Variants in SEC14L6 observed in about 807,000 individuals in gnomAD.
SEC14L6 encodes SEC14 like lipid binding 6.
Under a neutral mutation model 54.1 loss-of-function variants are expected in SEC14L6, and 40 were observed. That is an observed-to-expected ratio of 0.74 (90% CI 0.57 to 0.96). SEC14L6 has a LOEUF of 0.96. Among genes scored for constraint, SEC14L6 ranks in the 40% least tolerant of loss-of-function variants. The pLI is 0.00. For missense variants in SEC14L6, 471 were observed against 498.3 expected (o/e 0.95, Z 0.52); for synonymous variants, 171 against 198.4 (o/e 0.86, Z 1.16).
At chr22:30,534,172 G>C in intron 2 of SEC14L6, 133 bp from the exon 3 acceptor site, 1 of 695,238 alleles carries the variant, frequency 1.4e-6, no homozygotes, top group Non-Finnish European at 2.4e-6. Flanking sequence ...TTCTTGACCT[G>C]GGGAGCCACA....
chr22:30,534,080 G>T, intron 2 of SEC14L6, 41 bp from the exon 3 acceptor site: 1 of 1,546,298 alleles, frequency 6.5e-7, no homozygotes, highest in Non-Finnish European at 8.7e-7. Context: ...AATTCTAGAG[G>T]CTCACTCCAG....
At chr22:30,544,132 C>G in intron 1 of SEC14L6, 10 of 1,229,814 alleles carry the variant, frequency 8.1e-6, no homozygotes, top group Non-Finnish European at 1.2e-5. Flanking sequence ...CTTCCTTGTC[C>G]CACAAGGAGC....
intron 2 of SEC14L6, among the ~76,000 whole-genome samples, chr22:30,537,590 T>C (rs1285454243): frequency 4.6e-5 from 7 of 152,058 alleles, no homozygotes; most frequent in African/African-American, 1.7e-4. Context: ...GGCTTCAGAG[T>C]GAGACCTTGT....
intron 8 of SEC14L6, among the ~76,000 whole-genome samples, chr22:30,528,064 G>C (rs1373433035): frequency 6.8e-6 from 1 of 147,622 alleles, no homozygotes; most frequent in Non-Finnish European, 1.5e-5. Context: ...ATACATTTCT[G>C]TACTTTACAA....
At chr22:30,534,799 C>G (rs139270584) in intron 2 of SEC14L6, among the ~76,000 whole-genome samples, 2,664 of 152,172 alleles carry the variant, frequency 0.018, 50 homozygotes, top group Middle Eastern at 0.048. Flanking sequence ...CCAAGGTGGG[C>G]AGATCACCTG....
chr22:30,527,516 ACT>A (rs1936813829), intron 8 of SEC14L6, among the ~76,000 whole-genome samples: 1 of 151,868 alleles, frequency 6.6e-6, no homozygotes, highest in South Asian at 2.1e-4. Flanking sequence ...GTGGAGTTAA[ACT>A]CTGCAATCTG....
intron 5 of SEC14L6, 132 bp from the exon 6 acceptor site, chr22:30,532,130 G>A: frequency 2.8e-6 from 4 of 1,444,106 alleles, no homozygotes; most frequent in Non-Finnish European, 3.6e-6. Context: ...ATGGGGGAGG[G>A]AAGGGGCCAT....
At chr22:30,536,034 A>AT (rs1407248351) in intron 2 of SEC14L6, among the ~76,000 whole-genome samples, 35 of 151,070 alleles carry the variant, frequency 2.3e-4, no homozygotes, top group Non-Finnish European at 4.0e-4. Flanking sequence ...AAGTTTTAAA[A>AT]TTTTTTTTGT....
chr22:30,535,959 G>A (rs1937130098), intron 2 of SEC14L6, among the ~76,000 whole-genome samples: 1 of 149,176 alleles, frequency 6.7e-6, no homozygotes, highest in African/African-American at 2.5e-5. Flanking sequence ...AAACTCCTGG[G>A]CTCAAGTCAT....
chr22:30,542,695 T>G, intron 1 of SEC14L6: 1 of 1,545,752 alleles, frequency 6.5e-7, no homozygotes, highest in Non-Finnish European at 8.8e-7. Context: ...GCCTGAGAAG[T>G]CTGTATCAGT....
chr22:30,538,132 G>A (rs1360203916), intron 2 of SEC14L6, among the ~76,000 whole-genome samples: 1 of 152,088 alleles, frequency 6.6e-6, no homozygotes, highest in Non-Finnish European at 1.5e-5. Flanking sequence ...CTGAGGTCGG[G>A]AGTTTGAGAC....
chr22:30,539,552 CAG>C (rs1285844733), intron 1 of SEC14L6, among the ~76,000 whole-genome samples: 5 of 152,192 alleles, frequency 3.3e-5, no homozygotes, highest in African/African-American at 7.2e-5. Context: ...ATAAAGTGCA[CAG>C]AGTCTGAGGC....
At chr22:30,535,446 C>T (rs1029885499) in intron 2 of SEC14L6, among the ~76,000 whole-genome samples, 14 of 152,222 alleles carry the variant, frequency 9.2e-5, no homozygotes, top group Non-Finnish European at 1.6e-4. Context: ...GGCATCATAA[C>T]AACCATGAAA....
At chr22:30,535,668 A>C (rs578207199) in intron 2 of SEC14L6, among the ~76,000 whole-genome samples, 2 of 152,294 alleles carry the variant, frequency 1.3e-5, no homozygotes, top group South Asian at 4.1e-4. Context: ...TACTGAGCAA[A>C]GATGAGCTAG....
At chr22:30,526,354 G>A (rs192846662) in intron 8 of SEC14L6, among the ~76,000 whole-genome samples, 176 of 152,310 alleles carry the variant, frequency 1.2e-3, no homozygotes, top group African/African-American at 4.1e-3. Flanking sequence ...CAGCTCCCAG[G>A]GCTCCAGCAC....
chr22:30,545,619 A>T (rs1227357847), intron 1 of SEC14L6, among the ~76,000 whole-genome samples: 1 of 151,844 alleles, frequency 6.6e-6, no homozygotes, highest in Non-Finnish European at 1.5e-5. Flanking sequence ...TAATTTTTTA[A>T]TTTTTTGTAA....
intron 1 of SEC14L6, 129 bp downstream of exon 1, chr22:30,546,500 A>T: frequency 1.3e-6 from 1 of 751,306 alleles, no homozygotes; most frequent in Non-Finnish European, 2.2e-6. Flanking sequence ...CTGGCTACCA[A>T]GCCCCTCAGG....
chr22:30,528,834 C>G (rs1282253181), intron 8 of SEC14L6, among the ~76,000 whole-genome samples: 1 of 152,144 alleles, frequency 6.6e-6, no homozygotes, highest in Admixed American at 6.6e-5. Context: ...GGCCAACTCT[C>G]AAATCCAGCT....
At chr22:30,530,365 C>G (rs138616506) in intron 6 of SEC14L6, among the ~76,000 whole-genome samples, 1 of 152,120 alleles carries the variant, frequency 6.6e-6, no homozygotes, top group Non-Finnish European at 1.5e-5. Context: ...AGCCACTGCA[C>G]TCTAGCCTGG....
Sources: allele counts gnomAD v4.1 joint callset (sites outside exome capture counted in the v4.1 genomes callset), GRCh38; gene constraint gnomAD v4.1.1; transcripts MANE v1.5; gene names NCBI Gene and HGNC (gene_info 2026-07-23, HGNC 2026-07-21).